Variants in DNAH6 observed in about 807,000 individuals in gnomAD.
The protein encoded by DNAH6 is dynein axonemal heavy chain 6.
A neutral mutation model predicts 491.4 loss-of-function variants in DNAH6; 340 were observed. The ratio of observed to expected loss-of-function variants is 0.69; its 90% CI spans 0.63 to 0.76. DNAH6 has a LOEUF of 0.76. Ranked by LOEUF, DNAH6 falls within the 30% of genes least tolerant of loss-of-function variation. The pLI, the probability that DNAH6 is intolerant of heterozygous loss-of-function variation, is 0.00. For missense variants in DNAH6, 4,443 were observed against 4,972.2 expected (o/e 0.89, Z 3.20); for synonymous variants, 1,603 against 1,686.1 (o/e 0.95, Z 1.21).
intron 4 of DNAH6, among the ~76,000 whole-genome samples, chr2:84,530,324 G>A (rs1677041928): frequency 6.6e-6 from 1 of 152,144 alleles, no homozygotes; most frequent in African/African-American, 2.4e-5. Flanking sequence ...GGGCCTCATT[G>A]AGAAGCTGTC....
At chr2:84,704,411 C>A in intron 51 of DNAH6, 109 bp downstream of exon 51, 1 of 807,560 alleles carries the variant, frequency 1.2e-6, no homozygotes, top group Non-Finnish European at 1.9e-6. Context: ...CTCATTGCTT[C>A]AGTTGGTCAT....
chr2:84,666,038 A>G (rs548320728), intron 37 of DNAH6, among the ~76,000 whole-genome samples: 4 of 152,294 alleles, frequency 2.6e-5, no homozygotes, highest in African/African-American at 9.6e-5. Flanking sequence ...AAGGCCTTCA[A>G]CGAAATTCAA....
intron 49 of DNAH6, 81 bp from the exon 50 acceptor site, chr2:84,703,314 T>C: frequency 9.8e-7 from 1 of 1,021,106 alleles, no homozygotes; most frequent in Non-Finnish European, 1.4e-6. Flanking sequence ...AAAAGTCTAA[T>C]ACATGAGTAA....
intron 50 of DNAH6, 100 bp from the exon 51 acceptor site, chr2:84,703,967 C>G (rs1216232735): frequency 8.9e-6 from 8 of 895,346 alleles, no homozygotes; most frequent in Non-Finnish European, 1.2e-5. Context: ...CATCATTATT[C>G]TAATCCAAAG....
the DNAH6 span, among the ~76,000 whole-genome samples, chr2:84,481,115 T>C: frequency 6.6e-6 from 1 of 152,132 alleles, no homozygotes; most frequent in African/African-American, 2.4e-5. Context: ...GACTTGTGTG[T>C]ACTTGTAGGG....
rs181040564 is a variant in DNAH6 at position 84,545,798 on chromosome 2, A to G, written c.930+1298A>G. Among the ~76,000 whole-genome samples, 580 of 152,300 alleles carry G rather than the reference A, an allele frequency of 3.8e-3. 4 individuals carry two copies. Among genetic ancestry groups the G allele is most frequent in the Middle Eastern group, 0.014 (4 of 294 alleles). On this transcript the variant is annotated intron_variant, in intron 5 of 76. Transcript: ENST00000389394. Reference sequence around the variant, plus strand: ...AGTTAACTAGGGCTGATTCCCCTAGACAAGGTTGAAGGGAGACATACGAGT... The same window carrying G: ...AGTTAACTAGGGCTGATTCCCCTAGGCAAGGTTGAAGGGAGACATACGAGT...
chr2:84,779,046 T>C (rs1450450275), intron 64 of DNAH6, among the ~76,000 whole-genome samples: 1 of 152,216 alleles, frequency 6.6e-6, no homozygotes, highest in Non-Finnish European at 1.5e-5. Context: ...CTATCAAATC[T>C]ATTATGGTTG....
chr2:84,747,192 A>G (rs1399725534), intron 63 of DNAH6, among the ~76,000 whole-genome samples: 1 of 152,174 alleles, frequency 6.6e-6, no homozygotes, highest in East Asian at 1.9e-4. Flanking sequence ...AGTCCTCAAA[A>G]GTCTTAACTC....
chr2:84,738,107 A>C (rs902918650), intron 62 of DNAH6, among the ~76,000 whole-genome samples: 1 of 152,108 alleles, frequency 6.6e-6, no homozygotes, highest in East Asian at 1.9e-4. Context: ...TTGTTTACCC[A>C]AAAGTCATTC....
At position 84,743,059 on chromosome 2, in the gene DNAH6, G is replaced by A. The variant is rs150093015; in HGVS notation, c.10343-2021G>A. Among the ~76,000 whole-genome samples the A allele has an allele frequency of 2.6e-3, 397 of 152,186 alleles. 2 individuals are homozygous for A. The highest frequency in any genetic ancestry group is 4.3e-3 in the Non-Finnish European group (290 of 68,022). Reference sequence around the variant, plus strand: ...CACCAGTTAAATGAGACAGCTAGAGGTAGAGATAGAACACAAAAAGAAAAA... The same window carrying A: ...CACCAGTTAAATGAGACAGCTAGAGATAGAGATAGAACACAAAAAGAAAAA... On this transcript the variant is annotated intron_variant, in intron 62 of 76. Transcript: ENST00000389394.
At chr2:84,739,531 G>T (rs1036696879) in intron 62 of DNAH6, among the ~76,000 whole-genome samples, 1 of 152,164 alleles carries the variant, frequency 6.6e-6, no homozygotes, top group African/African-American at 2.4e-5. Flanking sequence ...ATTTCTCAAA[G>T]GCTTTGTTCA....
intron 68 of DNAH6, 55 bp from the exon 69 acceptor site, chr2:84,796,246 AGGTAT>A: frequency 1.8e-6 from 2 of 1,111,466 alleles, no homozygotes; most frequent in Admixed American, 3.2e-5. Context: ...ATTTAAAATT[AGGTAT>A]GCCTATCAAT....
chr2:84,594,661 T>C (rs1393966593), intron 17 of DNAH6, among the ~76,000 whole-genome samples: 3 of 152,204 alleles, frequency 2.0e-5, no homozygotes, highest in Non-Finnish European at 4.4e-5. Flanking sequence ...CACCTATACT[T>C]TCAAGTGTGG....
chr2:84,729,768 A>AT (rs1698972771), intron 61 of DNAH6, among the ~76,000 whole-genome samples: 1 of 152,108 alleles, frequency 6.6e-6, no homozygotes, highest in African/African-American at 2.4e-5. Flanking sequence ...TTGACTAATA[A>AT]TTTTTTTAGA....
chr2:84,573,458 A>T lies in DNAH6; in HGVS notation c.1804-9A>T, dbSNP rs374038275. The stretch of plus-strand genomic sequence containing the variant: ...TGGTCATATTTGTCTGCTTATTTAT[A>T]ACATTTAGGAAACCATTCAGGCCGC... On this transcript the variant is annotated splice_polypyrimidine_tract_variant and intron_variant, in intron 11 of 76. Coordinates refer to ENST00000389394, the MANE Select transcript of DNAH6 (RefSeq NM_001370.2). The T allele has an allele frequency of 7.0e-6, 11 of 1,570,256 alleles. No individual in the cohort carries two copies. The African/African-American group carries it at 1.4e-4, about 20-fold the overall frequency.
the DNAH6 span, among the ~76,000 whole-genome samples, chr2:84,464,480 C>T: frequency 0.011 from 1,682 of 152,228 alleles, 28 homozygotes; most frequent in African/African-American, 0.039. Flanking sequence ...GAATTCAGGG[C>T]AAGTCCACAG....
intron 4 of DNAH6, among the ~76,000 whole-genome samples, chr2:84,531,134 G>A (rs888257107): frequency 2.0e-5 from 3 of 152,090 alleles, no homozygotes; most frequent in Non-Finnish European, 4.4e-5. Context: ...GGGCTTCCAG[G>A]TCATAGGTAG....
chr2:84,768,403 A>C (rs1675291155), intron 64 of DNAH6, among the ~76,000 whole-genome samples: 1 of 151,998 alleles, frequency 6.6e-6, no homozygotes, highest in African/African-American at 2.4e-5. Context: ...ATCATTGCAG[A>C]TCAGCAGACA....
Position 84,685,378 on chromosome 2 carries a change from A to G in DNAH6, c.6969A>G (p.Arg2323=), listed in dbSNP as rs1694169328. 6.5e-7 allele frequency: 1 copy of G among 1,527,234 alleles called. No individual in the cohort carries two copies. Among genetic ancestry groups the G allele is most frequent in the Admixed American group, 2.0e-5 (1 of 50,164 alleles). 94.6% of individuals were successfully genotyped at this position (1,527,234 alleles called of 1,614,324 possible). ...GTIREEIQIF[R]LFCHECQRVF... is the part of the protein sequence containing the mutation. ...TAAGAGAAGAAATTCAGATATTTAG[A>G]CTCTTTTGCCATGAGTGCCAAAGGG... The change falls in exon 43 of 77, where the codon AGA becomes AGG. Residue 2323 remains arginine, a synonymous_variant. Coordinates refer to ENST00000389394, the MANE Select transcript of DNAH6 (RefSeq NM_001370.2).
Sources: allele counts gnomAD v4.1 joint callset (sites outside exome capture counted in the v4.1 genomes callset), GRCh38; gene constraint gnomAD v4.1.1; transcripts MANE v1.5; gene names NCBI Gene and HGNC (gene_info 2026-07-23, HGNC 2026-07-21).